The following SPTBN1 variants were observed in gnomAD, a reference collection of about 807,000 sequenced individuals.
SPTBN1 encodes the protein spectrin beta, non-erythrocytic 1.
SPTBN1 carries 32 observed loss-of-function variants against 266.4 expected under a neutral mutation model. The ratio of observed to expected loss-of-function variants is 0.12; its 90% CI spans 0.09 to 0.16. The LOEUF (loss-of-function observed/expected upper bound fraction) is 0.16. Ranked by LOEUF, SPTBN1 falls within the 10% of genes least tolerant of loss-of-function variation. SPTBN1 has a pLI of 1.00. For missense variants in SPTBN1, 2,296 were observed against 3,067.1 expected (o/e 0.75, Z 5.94); for synonymous variants, 1,336 against 1,162.2 (o/e 1.15, Z -3.04).
intron 33 of SPTBN1, 81 bp from the exon 34 acceptor site, chr2:54,665,834 A>C: frequency 6.8e-7 from 1 of 1,474,640 alleles, no homozygotes; most frequent in South Asian, 1.3e-5. Flanking sequence ...GATCATTTTC[A>C]TGTTAATGAA....
intron 1 of SPTBN1, among the ~76,000 whole-genome samples, chr2:54,523,747 C>T (rs1386751310): frequency 2.0e-5 from 3 of 152,158 alleles, no homozygotes; most frequent in African/African-American, 4.8e-5. Flanking sequence ...AATGATCCTT[C>T]TGTGTTGCTG....
At chr2:54,472,537 A>G (rs971724839) in intron 1 of SPTBN1, among the ~76,000 whole-genome samples, 4 of 152,124 alleles carry the variant, frequency 2.6e-5, no homozygotes, top group African/African-American at 2.4e-5. Flanking sequence ...TTTGTAATTA[A>G]TTCACTGTCT....
chr2:54,633,094 G>A (rs903794726), intron 17 of SPTBN1, among the ~76,000 whole-genome samples: 1 of 152,132 alleles, frequency 6.6e-6, no homozygotes, highest in Admixed American at 6.5e-5. Flanking sequence ...ATTAACACAC[G>A]CTTGTGTCAC....
rs1394649825 is a variant in SPTBN1 at position 54,558,774 on chromosome 2, G to A, written c.148+32208G>A. On this transcript the variant is annotated intron_variant, in intron 2 of 35. Coordinates refer to ENST00000356805, the MANE Select transcript of SPTBN1 (RefSeq NM_003128.3). This position sits in a 1 kb window ranked among gnomAD's most constrained non-coding sequence, Gnocchi z 4.6. ...GCAGTCCTCCGGGGCGTTACGCCGG[G>A]CATAATGGAATTGCAGAGGACGTCT... is the stretch of plus-strand genomic sequence containing the variant. The A allele has an allele frequency of 1.2e-6, 2 of 1,612,194 alleles. No homozygotes were observed. The highest frequency in any genetic ancestry group is 1.1e-5 in the South Asian group (1 of 90,920).
chr2:54,620,932 A>G (rs1304431501), intron 7 of SPTBN1, among the ~76,000 whole-genome samples: 2 of 152,240 alleles, frequency 1.3e-5, no homozygotes, highest in East Asian at 3.9e-4. Context: ...TGGTGGAGGG[A>G]GCCATTGTTT....
intron 2 of SPTBN1, among the ~76,000 whole-genome samples, chr2:54,543,129 G>A (rs1195086008): frequency 6.6e-6 from 1 of 152,174 alleles, no homozygotes; most frequent in African/African-American, 2.4e-5. Flanking sequence ...GCTGAGGAAG[G>A]AAGGATGGCT....
At chr2:54,657,497 G>A (rs1311870631) in intron 29 of SPTBN1, among the ~76,000 whole-genome samples, 1 of 152,174 alleles carries the variant, frequency 6.6e-6, no homozygotes, top group Non-Finnish European at 1.5e-5. Context: ...GTGAATGTGT[G>A]CCGTAAAATG....
chr2:54,610,247 A>C (rs1484114500), intron 3 of SPTBN1, among the ~76,000 whole-genome samples: 1 of 152,206 alleles, frequency 6.6e-6, no homozygotes, highest in South Asian at 2.1e-4. Context: ...CCAATTAAAA[A>C]TTAATAGTCA....
chr2:54,621,639 G>A (rs1231887272), intron 8 of SPTBN1, 127 bp downstream of exon 8: 12 of 650,218 alleles, frequency 1.8e-5, no homozygotes, highest in East Asian at 2.8e-5. Flanking sequence ...TAGGGAAATC[G>A]GCAGAAGCCT....
At chr2:54,482,353 GC>G (rs1183819317) in intron 1 of SPTBN1, among the ~76,000 whole-genome samples, 9 of 113,858 alleles carry the variant, frequency 7.9e-5, no homozygotes, top group African/African-American at 3.0e-4. Context: ...CATCTCTACA[GC>G]AGGAAAAAAA....
intron 1 of SPTBN1, among the ~76,000 whole-genome samples, chr2:54,492,992 A>ATAACATATCT (rs1668771640): frequency 6.7e-6 from 1 of 149,808 alleles, no homozygotes; most frequent in Admixed American, 6.8e-5. Flanking sequence ...ATAGAACTAA[A>ATAACATATCT]TAACATATCT....
At chr2:54,633,040 C>T (rs1254590127) in intron 17 of SPTBN1, among the ~76,000 whole-genome samples, 4 of 150,550 alleles carry the variant, frequency 2.7e-5, no homozygotes, top group Non-Finnish European at 3.0e-5. Flanking sequence ...CTGTAAGAGC[C>T]GTAGTGCTGC....
At chr2:54,471,855 A>G (rs1172244789) in intron 1 of SPTBN1, among the ~76,000 whole-genome samples, 4 of 124,574 alleles carry the variant, frequency 3.2e-5, no homozygotes, top group Non-Finnish European at 6.3e-5. Context: ...TTATGAGCAT[A>G]TGAAGAAGAT....
intron 2 of SPTBN1, among the ~76,000 whole-genome samples, chr2:54,547,395 A>G (rs1443165054): frequency 5.9e-5 from 9 of 152,142 alleles, no homozygotes; most frequent in Admixed American, 3.9e-4. Context: ...ACCTCTTGCT[A>G]TTGCGAATGA....
chr2:54,492,537 G>C (rs112246619), intron 1 of SPTBN1, among the ~76,000 whole-genome samples: 1 of 152,074 alleles, frequency 6.6e-6, no homozygotes, highest in South Asian at 2.1e-4. Context: ...TGGACCTACT[G>C]CCCTTTGCAC....
chr2:54,461,635 G>C (rs1222319543), intron 1 of SPTBN1, among the ~76,000 whole-genome samples: 2 of 152,334 alleles, frequency 1.3e-5, no homozygotes, highest in East Asian at 3.9e-4. Context: ...ATCTTGTCCA[G>C]TGAAACATTA....
intron 2 of SPTBN1, among the ~76,000 whole-genome samples, chr2:54,567,227 G>A (rs1326707029): frequency 1.3e-5 from 2 of 152,232 alleles, no homozygotes; most frequent in African/African-American, 4.8e-5. Context: ...AGTACAGAGT[G>A]AGGATGGGGT....
At chr2:54,588,744 T>A (rs1218310455) in intron 2 of SPTBN1, among the ~76,000 whole-genome samples, 5 of 152,212 alleles carry the variant, frequency 3.3e-5, no homozygotes, top group African/African-American at 9.6e-5. Flanking sequence ...AGCAGGTTAA[T>A]GGGCTCAGGA....
In SPTBN1 at chr2:54,485,808, G is replaced by A. The variant is rs1399135229; in HGVS notation, c.-48+29290G>A. Reference sequence around the variant, plus strand: ...GAGGAGCGTCTCTGCCCGGCCGCCCGTCGTCTGAGATGTGGGGAGCGCCTC... The same window carrying A: ...GAGGAGCGTCTCTGCCCGGCCGCCCATCGTCTGAGATGTGGGGAGCGCCTC... On this transcript the variant is annotated intron_variant, in intron 1 of 35. Transcript: ENST00000356805. 7.3e-3 allele frequency among the ~76,000 whole-genome samples: 1,000 copies of A among 136,758 alleles called. 10 individuals carry two copies. Among genetic ancestry groups the A allele is most frequent in the Non-Finnish European group, 8.4e-3 (539 of 64,020 alleles). 89.7% of individuals were successfully genotyped at this position (136,758 alleles called of 152,430 possible). A position where few individuals can be genotyped will look rare whatever the true frequency, so the allele number is the denominator to read the frequency against.
Sources: allele counts gnomAD v4.1 joint callset (sites outside exome capture counted in the v4.1 genomes callset), GRCh38; gene constraint gnomAD v4.1.1; non-coding constraint Gnocchi (gnomAD v3.1); transcripts MANE v1.5; gene names NCBI Gene and HGNC (gene_info 2026-07-23, HGNC 2026-07-21).